PROCR: variants seen among roughly 807,000 people sequenced by gnomAD.
The protein encoded by PROCR is protein C receptor.
PROCR carries 22 observed loss-of-function variants against 24.2 expected under a neutral mutation model. That is an observed-to-expected ratio of 0.91 (90% CI 0.65 to 1.30). The LOEUF (loss-of-function observed/expected upper bound fraction) is 1.30. PROCR is among the 50% of genes most tolerant of loss of function. The pLI is 0.00. For synonymous variants in PROCR, 137 were observed against 139.2 expected, an observed-to-expected ratio of 0.98 and a Z score of 0.11; for missense variants, 288 against 307.7, an observed-to-expected ratio of 0.94 and a Z score of 0.48.
chr20:35,213,587 G>A (rs2146183997), intron 1 of PROCR, among the ~76,000 whole-genome samples: 1 of 151,926 alleles, frequency 6.6e-6, no homozygotes, highest in Admixed American at 6.6e-5. Context: ...CCAGTATTTT[G>A]CAATATAAGC....
intron 1 of PROCR, 134 bp from the exon 2 acceptor site, chr20:35,174,568 C>T: frequency 1.9e-6 from 2 of 1,076,144 alleles, no homozygotes; most frequent in Non-Finnish European, 2.8e-6. Flanking sequence ...ACGGGAGAAG[C>T]GGTGGGAGGG....
intron 1 of PROCR, among the ~76,000 whole-genome samples, chr20:35,188,629 TGC>T (rs1276870189): frequency 6.6e-6 from 1 of 152,224 alleles, no homozygotes; most frequent in Non-Finnish European, 1.5e-5. Flanking sequence ...TGGATAAAAG[TGC>T]ACCTTATGTT....
At chr20:35,196,082 T>C (rs2086213757) in intron 1 of PROCR, among the ~76,000 whole-genome samples, 1 of 144,032 alleles carries the variant, frequency 6.9e-6, no homozygotes, top group African/African-American at 2.6e-5. Flanking sequence ...CTCAGGAGGC[T>C]GAGGCAGGAG....
Position 35,174,845 on chromosome 20 carries a change from C to T in PROCR, c.214C>T (p.Pro72Ser), listed in dbSNP as rs767883054. 3.1e-6 allele frequency: 5 copies of T among 1,614,090 alleles called. No individual in the cohort carries two copies. In the African/African-American group the frequency reaches 4.0e-5, roughly 13 times the overall value. The change falls in exon 2 of 4, where the codon CCC becomes TCC. Residue 72 changes from proline (P) to serine (S), a missense_variant. Transcript: ENST00000216968. ...DTNTTIIQLQ[P>S]LQEPESWART... The stretch of plus-strand genomic sequence containing the variant: ...CAACACCACGATCATTCAGCTGCAG[C>T]CCTTGCAGGAGCCCGAGAGCTGGGC...
intron 2 of PROCR, among the ~76,000 whole-genome samples, chr20:35,175,351 C>T (rs1224389448): frequency 6.9e-6 from 1 of 145,350 alleles, no homozygotes; most frequent in Non-Finnish European, 1.5e-5. Flanking sequence ...AGCCACTTCT[C>T]ATACAAGCTG....
chr20:35,208,675 T>C (rs563752818), intron 1 of PROCR, among the ~76,000 whole-genome samples: 1 of 152,312 alleles, frequency 6.6e-6, no homozygotes, highest in South Asian at 2.1e-4. Flanking sequence ...CTTACATTTG[T>C]TCATTTAGCA....
intron 1 of PROCR, among the ~76,000 whole-genome samples, chr20:35,194,119 G>A (rs936433101): frequency 2.6e-5 from 4 of 152,192 alleles, no homozygotes; most frequent in African/African-American, 9.7e-5. Flanking sequence ...GGTTATTGAT[G>A]GAGATCACTG....
Position 35,176,788 on chromosome 20 carries a change from T to A in PROCR, c.692T>A (p.Leu231Gln), listed in dbSNP as rs769818051. Residue 231 changes from leucine to glutamine, a missense_variant, in exon 4 of 4, where the codon CTG becomes CAG. Coordinates refer to ENST00000216968, the MANE Select transcript of PROCR (RefSeq NM_006404.5). ...IIAGVAVGIF[L>Q]CTGGRRC ...GCTGGTGTGGCTGTAGGCATCTTCCTGTGCACAGGTGGACGGCGATGTTAA... is the reference window on the plus strand; with the variant it reads ...GCTGGTGTGGCTGTAGGCATCTTCCAGTGCACAGGTGGACGGCGATGTTAA... The A allele has an allele frequency of 5.0e-6, 8 of 1,614,060 alleles. No homozygotes were observed. The highest frequency in any genetic ancestry group is 5.9e-6 in the Non-Finnish European group (7 of 1,180,004).
rs151102932 is a variant in PROCR at position 35,215,190 on chromosome 20, C to T, written c.95-703C>T. Among the ~76,000 whole-genome samples, 27 of 152,308 alleles carry T rather than the reference C, an allele frequency of 1.8e-4. No homozygotes were observed. The East Asian group carries it at 4.8e-3, about 27-fold the overall frequency. On this transcript the variant is annotated intron_variant, in intron 1 of 1. Transcript: ENST00000634509. ...CTCCCAAAGGTGCTGGGATTACGGG[C>T]GTGAGCCACAGCGCCCGGCCTTTTA...
At position 35,210,656 on chromosome 20, in the gene PROCR, C is replaced by G. The variant is rs764227988; in HGVS notation, c.95-5237C>G. ...GTTCTGAACTTTTTTTTAATTGCCC[C>G]GTGCAATGTATCATTCAGGGTGGGT... On this transcript the variant is annotated intron_variant, in intron 1 of 1. Transcript: ENST00000634509. 2.0e-5 allele frequency among the ~76,000 whole-genome samples: 3 copies of G among 151,814 alleles called. No homozygotes were observed. The East Asian group carries it at 5.8e-4, about 29-fold the overall frequency.
intron 1 of PROCR, among the ~76,000 whole-genome samples, chr20:35,198,386 A>T (rs117146885): frequency 3.7e-4 from 57 of 152,322 alleles, no homozygotes; most frequent in Non-Finnish European, 7.5e-4. Flanking sequence ...AGAGGTCTGG[A>T]TAGAAGATTA....
chr20:35,184,702 T>C (rs2086108198), intron 1 of PROCR, among the ~76,000 whole-genome samples: 3 of 151,912 alleles, frequency 2.0e-5, no homozygotes, highest in Admixed American at 2.0e-4. Flanking sequence ...TGTGAGACTC[T>C]GTCACAAAAA....
At position 35,172,109 on chromosome 20, in the gene PROCR, C is replaced by T; in HGVS notation, c.-46C>T. On this transcript the variant is annotated 5_prime_UTR_variant, in exon 1 of 4. Transcript: ENST00000216968. ...CCTAGACTGCAGCCAGCGGAGCCCGCAGCCGGCCCGAGCCAGGAACCCAGG... is the reference window on the plus strand; with the variant it reads ...CCTAGACTGCAGCCAGCGGAGCCCGTAGCCGGCCCGAGCCAGGAACCCAGG... 6.3e-7 allele frequency: 1 copy of T among 1,596,306 alleles called. No individual in the cohort carries two copies. The highest frequency in any genetic ancestry group is 2.2e-5 in the East Asian group (1 of 44,782).
At chr20:35,193,095 C>T (rs937644264) in intron 1 of PROCR, among the ~76,000 whole-genome samples, 1 of 151,820 alleles carries the variant, frequency 6.6e-6, no homozygotes, top group African/African-American at 2.4e-5. Flanking sequence ...GTGTTAGAAG[C>T]CAGGATATTG....
upstream of PROCR, among the ~76,000 whole-genome samples, chr20:35,171,803 G>A (rs983570305): frequency 1.3e-5 from 2 of 151,952 alleles, no homozygotes; most frequent in Non-Finnish European, 2.9e-5. Context: ...CTGAGTCAGC[G>A]CCGGCAGGAC....
chr20:35,188,675 C>T (rs376210196), intron 1 of PROCR, among the ~76,000 whole-genome samples: 30 of 151,972 alleles, frequency 2.0e-4, no homozygotes, highest in African/African-American at 5.8e-4. Flanking sequence ...GTGGTTGCTC[C>T]GAATATTGGT....
In PROCR at chr20:35,176,399, C is replaced by A. The variant is rs751051139; in HGVS notation, c.554C>A (p.Thr185Asn). The A allele has an allele frequency of 3.1e-6, 5 of 1,614,210 alleles. No homozygotes were observed. The South Asian group carries it at 3.3e-5, about 11-fold the overall frequency. The change falls in exon 3 of 4, where the codon ACC (threonine) becomes AAC (asparagine). Residue 185 changes from threonine to asparagine, a missense_variant. Physicochemically the swap from Thr to Asn is moderately conservative, Grantham distance 65. Coordinates refer to ENST00000216968, the MANE Select transcript of PROCR (RefSeq NM_006404.5). ...RYELREFLED[T>N]CVQYVQKHIS... Reference sequence around the variant, plus strand: ...GAACTGCGGGAATTCCTGGAGGACACCTGTGTGCAGTATGTGCAGAAACAT... The same window carrying A: ...GAACTGCGGGAATTCCTGGAGGACAACTGTGTGCAGTATGTGCAGAAACAT...
At chr20:35,172,542 A>G (rs1001694597) in intron 1 of PROCR, among the ~76,000 whole-genome samples, 1 of 152,154 alleles carries the variant, frequency 6.6e-6, no homozygotes, top group Non-Finnish European at 1.5e-5. Context: ...ACTGAGGGTG[A>G]TGGTAGATAG....
Position 35,174,901 on chromosome 20 carries a change from G to A in PROCR, c.270G>A (p.Leu90=), listed in dbSNP as rs769330031. 2 of 1,608,886 alleles carry A rather than the reference G, an allele frequency of 1.2e-6. No homozygotes were observed. Among genetic ancestry groups the A allele is most frequent in the Admixed American group, 1.7e-5 (1 of 59,044 alleles). The change falls in exon 2 of 4, where the codon CTG becomes CTA. Residue 90 remains leucine, a synonymous_variant. Transcript: ENST00000216968. ...CGCAGAGTGGCCTGCAGTCCTACCT[G>A]CTCCAGTTCCACGGCCTCGTGCGCC... The part of the protein sequence containing the change: ...ARTQSGLQSY[L]LQFHGLVRLV...
Sources: allele counts gnomAD v4.1 joint callset (sites outside exome capture counted in the v4.1 genomes callset), GRCh38; gene constraint gnomAD v4.1.1; transcripts MANE v1.5; gene names NCBI Gene and HGNC (gene_info 2026-07-23, HGNC 2026-07-21).